The following CMIP variants were observed in gnomAD, a reference collection of about 807,000 sequenced individuals.
CMIP encodes c-Maf inducing protein, also known as C-Maf-inducing protein.
In CMIP, 13 loss-of-function variants were observed where a neutral mutation model predicts 97.3. That is an observed-to-expected ratio of 0.13 (90% confidence interval 0.09 to 0.21). The LOEUF is 0.21. Among genes scored for constraint, CMIP ranks in the 10% least tolerant of loss-of-function variants. CMIP has a pLI of 1.00. For synonymous variants in CMIP, 538 were observed against 436.3 expected, an observed-to-expected ratio of 1.23 and a Z score of -2.91; for missense variants, 847 against 1,024.9, an observed-to-expected ratio of 0.83 and a Z score of 2.37.
At chr16:81,637,549 T>C (rs1219458403) in intron 3 of CMIP, among the ~76,000 whole-genome samples, 1 of 152,216 alleles carries the variant, frequency 6.6e-6, no homozygotes, top group Non-Finnish European at 1.5e-5. Flanking sequence ...AGAGAGGTGA[T>C]GTAGTTTGCC....
chr16:81,552,024 C>T lies in CMIP; in HGVS notation c.301-55543C>T, dbSNP rs528043162. Among the ~76,000 whole-genome samples the T allele has an allele frequency of 3.9e-5, 6 of 152,268 alleles. No individual in the cohort carries two copies. The South Asian group carries it at 1.0e-3, about 26-fold the overall frequency. On this transcript the variant is annotated intron_variant, in intron 1 of 20. Coordinates refer to ENST00000537098, the MANE Select transcript of CMIP (RefSeq NM_198390.3). ...CCACCTGGTGACTCTGCAGCCTCGG[C>T]GGCAGGGGCAGGGAGGACTGGGGAG...
intron 10 of CMIP, among the ~76,000 whole-genome samples, chr16:81,680,253 C>A (rs375569116): frequency 1.4e-4 from 22 of 152,206 alleles, no homozygotes; most frequent in African/African-American, 5.1e-4. Flanking sequence ...AGCGTTTGGT[C>A]ATTCTGTCAT....
chr16:81,649,134 A>C (rs1037494967), intron 3 of CMIP, among the ~76,000 whole-genome samples: 1 of 152,250 alleles, frequency 6.6e-6, no homozygotes, highest in East Asian at 1.9e-4. Context: ...ATTGAGTGGG[A>C]TAAAGCTCAT....
At chr16:81,622,475 C>A (rs562406307) in intron 3 of CMIP, among the ~76,000 whole-genome samples, 1 of 152,178 alleles carries the variant, frequency 6.6e-6, no homozygotes, top group East Asian at 1.9e-4. Context: ...GGGTCAGATG[C>A]CAAAGCAGTT....
Position 81,645,741 on chromosome 16 carries a change from C to G in CMIP, c.478-6462C>G, listed in dbSNP as rs911636111. 4.4e-6 allele frequency: 4 copies of G among 914,696 alleles called. No individual in the cohort carries two copies. The African/African-American group carries it at 6.6e-5, about 15-fold the overall frequency. 56.7% of individuals were successfully genotyped at this position (914,696 alleles called of 1,614,324 possible). On this transcript the variant is annotated intron_variant, in intron 3 of 20. Transcript: ENST00000537098. ...CTTGGGCTCGGATGTGGGGAGCCCTCCTGAGTTCTACCTCCCTGGACTACT... is the reference window on the plus strand; with the variant it reads ...CTTGGGCTCGGATGTGGGGAGCCCTGCTGAGTTCTACCTCCCTGGACTACT...
chr16:81,448,105 A>G (rs1472301666), intron 1 of CMIP, among the ~76,000 whole-genome samples: 2 of 152,256 alleles, frequency 1.3e-5, no homozygotes, highest in Non-Finnish European at 2.9e-5. Flanking sequence ...GTGGCTTCGC[A>G]GCAGCCGCTG....
At chr16:81,502,979 C>T (rs1482792565) in intron 1 of CMIP, among the ~76,000 whole-genome samples, 2 of 152,120 alleles carry the variant, frequency 1.3e-5, no homozygotes, top group African/African-American at 2.4e-5. Context: ...GATATGTTTG[C>T]GTGATGTCGT....
chr16:81,620,161 G>A (rs1435005630), intron 2 of CMIP: 4 of 152,166 alleles, frequency 2.6e-5, no homozygotes. Flanking sequence ...TTTACAGATG[G>A]GAAAATTGAG....
chr16:81,702,008 G>A (rs1160071720), intron 16 of CMIP, among the ~76,000 whole-genome samples: 2 of 152,276 alleles, frequency 1.3e-5, no homozygotes, highest in East Asian at 3.9e-4. Context: ...AGCTCATTGG[G>A]GCCTGGCCAG....
intron 1 of CMIP, among the ~76,000 whole-genome samples, chr16:81,591,312 AC>A (rs2077754238): frequency 6.6e-6 from 1 of 152,204 alleles, no homozygotes; most frequent in African/African-American, 2.4e-5. Flanking sequence ...TACTCTGGAC[AC>A]CAGCTAAGGT....
intron 5 of CMIP, among the ~76,000 whole-genome samples, chr16:81,659,219 TCTGA>T (rs1475065573): frequency 9.2e-5 from 14 of 152,176 alleles, no homozygotes; most frequent in Non-Finnish European, 1.5e-4. Flanking sequence ...AGCATGTGAG[TCTGA>T]CTATGTGCCA....
intron 1 of CMIP, among the ~76,000 whole-genome samples, chr16:81,467,393 C>A (rs546317692): frequency 1.3e-5 from 2 of 152,190 alleles, no homozygotes; most frequent in Non-Finnish European, 2.9e-5. Context: ...GCCTCTCCCC[C>A]TCTGTGAGGC....
rs1250550865 is a variant in CMIP, at chr16:81,536,249, G to A, written c.301-71318G>A. On this transcript the variant is annotated intron_variant, in intron 1 of 20. Coordinates refer to ENST00000537098, the MANE Select transcript of CMIP (RefSeq NM_198390.3). ...GAGGGTGACCTGGAACTTGTTGTGA[G>A]GATGACCAAAGGTACTTGGGAGTGC... Among the ~76,000 whole-genome samples the A allele has an allele frequency of 2.6e-5, 4 of 152,158 alleles. No homozygotes were observed. In the East Asian group the frequency reaches 7.7e-4, roughly 29 times the overall value.
rs564860185 is a variant in CMIP at position 81,475,802 on chromosome 16, G to A, written c.300+30261G>A. ...AGATCAGGACCATCCTGGCTAACAC[G>A]GTGAAATCCTGTCTCTACTAAAAAT... On this transcript the variant is annotated intron_variant, in intron 1 of 20. Transcript: ENST00000537098. 8.1e-4 allele frequency among the ~76,000 whole-genome samples: 124 copies of A among 152,204 alleles called. 1 individual carries two copies. The highest frequency in any genetic ancestry group is 1.2e-3 in the Non-Finnish European group (85 of 68,002).
At chr16:81,603,691 C>T (rs546459231) in intron 1 of CMIP, among the ~76,000 whole-genome samples, 103 of 152,318 alleles carry the variant, frequency 6.8e-4, no homozygotes, top group African/African-American at 2.3e-3. Context: ...GCTGCTCAGG[C>T]TTTCCTCATG....
chr16:81,650,659 A>G (rs2151003942), intron 3 of CMIP, among the ~76,000 whole-genome samples: 1 of 152,202 alleles, frequency 6.6e-6, no homozygotes, highest in Middle Eastern at 3.4e-3. Flanking sequence ...TTTTCAAGAG[A>G]CAGATTCAGT....
At chr16:81,471,722 A>C (rs564353142) in intron 1 of CMIP, among the ~76,000 whole-genome samples, 75 of 152,348 alleles carry the variant, frequency 4.9e-4, no homozygotes, top group African/African-American at 1.7e-3. Flanking sequence ...CTGGTGATAA[A>C]GTTTAATTTA....
intron 9 of CMIP, among the ~76,000 whole-genome samples, chr16:81,673,734 A>T (rs1455002589): frequency 6.6e-6 from 1 of 152,138 alleles, no homozygotes; most frequent in African/African-American, 2.4e-5. Flanking sequence ...ACTAATGCAG[A>T]TGCCATTAGT....
chr16:81,637,983 C>T (rs374437112), intron 3 of CMIP, among the ~76,000 whole-genome samples: 4 of 152,170 alleles, frequency 2.6e-5, no homozygotes, highest in African/African-American at 9.7e-5. Flanking sequence ...GTGAGGGCTC[C>T]ACCCTCATGA....
Sources: gnomAD v4.1 joint callset for allele counts (sites outside exome capture counted in the v4.1 genomes callset) on GRCh38, gnomAD v4.1.1 for gene constraint, MANE v1.5 for transcripts, NCBI Gene and HGNC (gene_info 2026-07-23, HGNC 2026-07-21) for gene names.